Variants in RANBP2 observed in about 807,000 individuals in gnomAD.
The protein encoded by RANBP2 is E3 SUMO-protein ligase RanBP2.
RANBP2 carries 57 observed loss-of-function variants against 303.6 expected under a neutral mutation model. The observed-to-expected ratio is 0.19, with a 90% confidence interval of 0.15 to 0.23. The LOEUF is 0.23. Ranked by LOEUF, RANBP2 falls within the 10% of genes least tolerant of loss-of-function variation. The pLI is 1.00. For synonymous variants in RANBP2, 1,167 were observed against 1,301.5 expected (o/e 0.90, Z 2.23); for missense variants, 3,138 against 3,780.8 (o/e 0.83, Z 4.46).
chr2:108,957,657 G>C, the RANBP2 span, among the ~76,000 whole-genome samples: 1 of 152,182 alleles, frequency 6.6e-6, no homozygotes, highest in African/African-American at 2.4e-5. Flanking sequence ...TAATTGATGC[G>C]GCCTTACAAA....
the RANBP2 span, among the ~76,000 whole-genome samples, chr2:108,928,883 C>G: frequency 6.6e-6 from 1 of 152,184 alleles, no homozygotes; most frequent in Non-Finnish European, 1.5e-5. Flanking sequence ...TTCTTTTTCC[C>G]AAAGTGTTTC....
At chr2:109,519,791 C>T in the RANBP2 span, among the ~76,000 whole-genome samples, 2 of 152,210 alleles carry the variant, frequency 1.3e-5, no homozygotes, top group Non-Finnish European at 2.9e-5. Context: ...ATTGCCTGCT[C>T]TTGTTGCTGT....
At chr2:109,063,155 C>T in the RANBP2 span, among the ~76,000 whole-genome samples, 1 of 152,216 alleles carries the variant, frequency 6.6e-6, no homozygotes, top group Non-Finnish European at 1.5e-5. Context: ...TCCTCCCCCT[C>T]TGGCTTGTGC....
At chr2:109,654,820 T>TA in the RANBP2 span, among the ~76,000 whole-genome samples, 12 of 152,098 alleles carry the variant, frequency 7.9e-5, no homozygotes, top group African/African-American at 2.9e-4. Context: ...CTTGACGACT[T>TA]ACCAGCTGGG....
At chr2:109,450,915 T>A in the RANBP2 span, among the ~76,000 whole-genome samples, 1 of 152,202 alleles carries the variant, frequency 6.6e-6, no homozygotes, top group African/African-American at 2.4e-5. Flanking sequence ...GGACACTAGA[T>A]GGTGTGTTCC....
chr2:109,521,543 G>C, the RANBP2 span, among the ~76,000 whole-genome samples: 1 of 152,208 alleles, frequency 6.6e-6, no homozygotes, highest in South Asian at 2.1e-4. Context: ...ATGATCACAC[G>C]GAGCTGGCAC....
At chr2:109,479,713 T>G in the RANBP2 span, among the ~76,000 whole-genome samples, 1 of 152,158 alleles carries the variant, frequency 6.6e-6, no homozygotes, top group Non-Finnish European at 1.5e-5. Flanking sequence ...TTTCTTAATG[T>G]TAGAAAGGAG....
the RANBP2 span, among the ~76,000 whole-genome samples, chr2:109,377,098 G>T: frequency 6.6e-6 from 1 of 152,248 alleles, no homozygotes; most frequent in African/African-American, 2.4e-5. Flanking sequence ...TCCCTGGGGG[G>T]AGGTCTAGAA....
At chr2:109,603,422 G>A in the RANBP2 span, among the ~76,000 whole-genome samples, 1 of 152,000 alleles carries the variant, frequency 6.6e-6, no homozygotes, top group African/African-American at 2.4e-5. Flanking sequence ...TGTATTTTTA[G>A]TAGAGATGGG....
At chr2:108,979,626 G>A in the RANBP2 span, among the ~76,000 whole-genome samples, 1 of 152,222 alleles carries the variant, frequency 6.6e-6, no homozygotes, top group East Asian at 1.9e-4. Flanking sequence ...GGGCTGTGGA[G>A]AAGAGAAGCC....
At chr2:109,139,307 C>T in the RANBP2 span, among the ~76,000 whole-genome samples, 1 of 152,020 alleles carries the variant, frequency 6.6e-6, no homozygotes, top group Admixed American at 6.5e-5. Context: ...GCCAATGAGA[C>T]TGACCTTTTT....
chr2:109,306,050 TACTG>T, the RANBP2 span, among the ~76,000 whole-genome samples: 1 of 152,216 alleles, frequency 6.6e-6, no homozygotes, highest in Non-Finnish European at 1.5e-5. Flanking sequence ...GCTGGGCTCT[TACTG>T]GCAGCGACAG....
the RANBP2 span, among the ~76,000 whole-genome samples, chr2:109,582,246 T>C: frequency 6.6e-6 from 1 of 152,162 alleles, no homozygotes; most frequent in African/African-American, 2.4e-5. Context: ...ATGGAATCAA[T>C]ATAGTTGGAA....
At chr2:109,627,410 T>C in the RANBP2 span, among the ~76,000 whole-genome samples, 1 of 152,218 alleles carries the variant, frequency 6.6e-6, no homozygotes, top group Non-Finnish European at 1.5e-5. Flanking sequence ...TTGGCCGGGA[T>C]GGTTTCGAAC....
the RANBP2 span, among the ~76,000 whole-genome samples, chr2:109,672,045 A>G: frequency 6.6e-6 from 1 of 152,090 alleles, no homozygotes; most frequent in Non-Finnish European, 1.5e-5. Context: ...TTCCCAAGCA[A>G]TGACCTTAAC....
the RANBP2 span, among the ~76,000 whole-genome samples, chr2:109,006,067 G>A: frequency 6.6e-6 from 1 of 152,236 alleles, no homozygotes; most frequent in South Asian, 2.1e-4. Flanking sequence ...TTGGCCCACC[G>A]GCAGTCACGT....
chr2:109,513,093 G>A, the RANBP2 span, among the ~76,000 whole-genome samples: 1 of 152,146 alleles, frequency 6.6e-6, no homozygotes, highest in Non-Finnish European at 1.5e-5. Context: ...GGGCAGTTCT[G>A]AGGCACCCCA....
At chr2:109,343,744 CT>C in the RANBP2 span, among the ~76,000 whole-genome samples, 114 of 143,712 alleles carry the variant, frequency 7.9e-4, no homozygotes, top group Admixed American at 1.2e-3. Context: ...CCCTGGTTTC[CT>C]TTTTTTTTTT....
chr2:109,298,427 G>T, the RANBP2 span, among the ~76,000 whole-genome samples: 2 of 152,152 alleles, frequency 1.3e-5, no homozygotes, highest in Non-Finnish European at 2.9e-5. Context: ...ATGGTCTGTG[G>T]GTCATTGAAG....
Sources: gnomAD v4.1 joint callset for allele counts (sites outside exome capture counted in the v4.1 genomes callset) on GRCh38, gnomAD v4.1.1 for gene constraint, MANE v1.5 for transcripts, NCBI Gene and HGNC (gene_info 2026-07-23, HGNC 2026-07-21) for gene names.